Variants in ATP8B4 observed in about 807,000 individuals in gnomAD.
ATP8B4 encodes ATPase phospholipid transporting 8B4 (putative), also known as probable phospholipid-transporting ATPase IM.
ATP8B4 carries 133 observed loss-of-function variants against 145.6 expected under a neutral mutation model. The ratio of observed to expected loss-of-function variants is 0.91; its 90% CI spans 0.79 to 1.05. ATP8B4 has a LOEUF of 1.05. Ranked by LOEUF, ATP8B4 falls within the 50% of genes least tolerant of loss-of-function variation. ATP8B4 has a pLI of 0.00. For synonymous variants in ATP8B4, 507 were observed against 492.9 expected, an observed-to-expected ratio of 1.03 and a Z score of -0.38; for missense variants, 1,458 against 1,425.2, an observed-to-expected ratio of 1.02 and a Z score of -0.37.
chr15:49,935,900 T>C (rs976229791), intron 14 of ATP8B4, among the ~76,000 whole-genome samples: 2 of 152,174 alleles, frequency 1.3e-5, no homozygotes, highest in African/African-American at 4.8e-5. Flanking sequence ...TTTTGTTTTG[T>C]TTCAGTTCAT....
Position 50,056,716 on chromosome 15 carries a change from T to TACACAC in ATP8B4, c.88-9258_88-9253dup, listed in dbSNP as rs72305360. Among the ~76,000 whole-genome samples the TACACAC allele has an allele frequency of 2.1e-5, 3 of 145,958 alleles. 1 individual carries two copies. In the South Asian group the frequency reaches 6.4e-4, roughly 31 times the overall value. ...ATGTATATGTGTATATATATATATA[T>TACACAC]ACACACACACACACACACACACCTA... On this transcript the variant is annotated intron_variant, in intron 3 of 27. Coordinates refer to ENST00000284509, the MANE Select transcript of ATP8B4 (RefSeq NM_024837.4).
intron 25 of ATP8B4, among the ~76,000 whole-genome samples, chr15:49,873,545 G>T (rs137858330): frequency 6.6e-6 from 1 of 152,046 alleles, no homozygotes; most frequent in Non-Finnish European, 1.5e-5. Context: ...TATATAATCC[G>T]ATTTCCATTT....
intron 1 of ATP8B4, among the ~76,000 whole-genome samples, chr15:50,159,756 A>G (rs1340435019): frequency 3.3e-5 from 5 of 152,106 alleles, no homozygotes; most frequent in Admixed American, 6.5e-5. Context: ...TCTTCATTCT[A>G]TTGATACGAT....
At chr15:49,886,368 G>T (rs2036188104) in intron 23 of ATP8B4, among the ~76,000 whole-genome samples, 1 of 152,188 alleles carries the variant, frequency 6.6e-6, no homozygotes, top group Admixed American at 6.5e-5. Context: ...GAAAGACACT[G>T]CTCAATAAGT....
chr15:49,996,983 A>G (rs967488359), intron 8 of ATP8B4, among the ~76,000 whole-genome samples: 2 of 152,140 alleles, frequency 1.3e-5, no homozygotes, highest in Non-Finnish European at 2.9e-5. Context: ...TTATAACAAC[A>G]CAATGATCTG....
At chr15:50,129,341 T>C (rs2057329146) in intron 1 of ATP8B4, among the ~76,000 whole-genome samples, 1 of 152,184 alleles carries the variant, frequency 6.6e-6, no homozygotes, top group Non-Finnish European at 1.5e-5. Flanking sequence ...AATCAAGGTG[T>C]TGGCAAAGCT....
chr15:50,050,883 A>G (rs1451672215), intron 3 of ATP8B4, among the ~76,000 whole-genome samples: 11 of 152,188 alleles, frequency 7.2e-5, no homozygotes, highest in Non-Finnish European at 7.3e-5. Flanking sequence ...CAGAATCAAT[A>G]TGCCCAGAAT....
chr15:49,980,279 A>T (rs1011027778), intron 11 of ATP8B4, among the ~76,000 whole-genome samples: 1 of 152,196 alleles, frequency 6.6e-6, no homozygotes, highest in Non-Finnish European at 1.5e-5. Context: ...TCAGAGTCCA[A>T]TTGTTACATA....
At chr15:50,158,256 G>C (rs1414002215) in intron 1 of ATP8B4, among the ~76,000 whole-genome samples, 1 of 146,352 alleles carries the variant, frequency 6.8e-6, no homozygotes, top group Non-Finnish European at 1.5e-5. Flanking sequence ...CGGCTGCCCA[G>C]TCTGGGAAGT....
At chr15:50,180,184 A>AT (rs931010429) in intron 1 of ATP8B4, among the ~76,000 whole-genome samples, 120 of 147,790 alleles carry the variant, frequency 8.1e-4, no homozygotes, top group South Asian at 4.5e-3. Context: ...CCAGTCAGGG[A>AT]TTTTTTTTTT....
At position 50,150,145 on chromosome 15, in the gene ATP8B4, T is replaced by G. The variant is rs1156897349; in HGVS notation, c.-43+32116A>C. 2.0e-5 allele frequency among the ~76,000 whole-genome samples: 3 copies of G among 152,242 alleles called. No homozygotes were observed. The East Asian group carries it at 5.8e-4, about 29-fold the overall frequency. On this transcript the variant is annotated intron_variant, in intron 1 of 3. Coordinates refer to the ATP8B4 transcript ENST00000558829. The stretch of plus-strand genomic sequence containing the variant: ...TAGTGGTTTTTGAGATAATTATCCT[T>G]GGCTACAAGGATCAGTAACAGTAAC...
At chr15:49,986,565 C>T (rs1267647241) in intron 10 of ATP8B4, among the ~76,000 whole-genome samples, 1 of 152,202 alleles carries the variant, frequency 6.6e-6, no homozygotes, top group African/African-American at 2.4e-5. Flanking sequence ...AGGTTTGGAA[C>T]ACTTTTAAGA....
chr15:50,145,212 G>T (rs1288052966), intron 1 of ATP8B4, among the ~76,000 whole-genome samples: 14 of 152,152 alleles, frequency 9.2e-5, no homozygotes, highest in Admixed American at 9.2e-4. Flanking sequence ...GAGGTAAAGT[G>T]CATTCAATAA....
intron 9 of ATP8B4, among the ~76,000 whole-genome samples, chr15:49,996,446 T>G (rs2047432384): frequency 6.6e-6 from 1 of 152,082 alleles, no homozygotes; most frequent in African/African-American, 2.4e-5. Context: ...AAGTAAATGA[T>G]ATTTAAAAAG....
intron 25 of ATP8B4, 71 bp from the exon 26 acceptor site, chr15:49,866,555 T>A (rs968070753): frequency 7.0e-6 from 11 of 1,563,260 alleles, no homozygotes; most frequent in African/African-American, 1.4e-5. Context: ...CTCGTGATGT[T>A]TCGCGAGAAC....
At chr15:50,113,567 G>T (rs566693470) in intron 1 of ATP8B4, among the ~76,000 whole-genome samples, 1 of 152,060 alleles carries the variant, frequency 6.6e-6, no homozygotes, top group Non-Finnish European at 1.5e-5. Context: ...GGCCAGGAGC[G>T]GTGGCTCACA....
chr15:49,861,863 A>G (rs573801961), intron 27 of ATP8B4, among the ~76,000 whole-genome samples: 2 of 152,240 alleles, frequency 1.3e-5, no homozygotes, highest in African/African-American at 2.4e-5. Flanking sequence ...GACTCATACC[A>G]TGCTTGTCTC....
chr15:50,088,026 C>G (rs955181214), intron 2 of ATP8B4, among the ~76,000 whole-genome samples: 1 of 152,012 alleles, frequency 6.6e-6, no homozygotes, highest in African/African-American at 2.4e-5. Flanking sequence ...GATTTTCTCA[C>G]TCTAAATTAA....
rs2054029913 is a variant in ATP8B4, at chr15:50,074,182, A to G, written c.32T>C (p.Val11Ala). MFCSEKKLRE[V>A]ERIVKANDRE... Reference sequence around the variant, plus strand: ...GTCATTGGCTTTCACTATCCGTTCCACTTCTAAAGAGAGAGAAATCAAGTA... The same window carrying G: ...GTCATTGGCTTTCACTATCCGTTCCGCTTCTAAAGAGAGAGAAATCAAGTA... Residue 11 changes from valine (V) to alanine (A), a missense_variant, in exon 3 of 28, where the codon GTG (valine) becomes GCG (alanine). By Grantham distance (64) the Val-to-Ala change is moderately conservative (BLOSUM62 0). Coordinates refer to ENST00000284509, the MANE Select transcript of ATP8B4 (RefSeq NM_024837.4). 1 of 1,610,326 alleles carries G rather than the reference A, an allele frequency of 6.2e-7. No homozygotes were observed. Among genetic ancestry groups the G allele is most frequent in the Non-Finnish European group, 8.5e-7 (1 of 1,178,042 alleles).
Sources: allele counts gnomAD v4.1 joint callset (sites outside exome capture counted in the v4.1 genomes callset), GRCh38; gene constraint gnomAD v4.1.1; transcripts MANE v1.5; gene names NCBI Gene and HGNC (gene_info 2026-07-23, HGNC 2026-07-21).